The following PPP6R2 variants were observed in gnomAD, a reference collection of about 807,000 sequenced individuals.
PPP6R2 encodes serine/threonine-protein phosphatase 6 regulatory subunit 2.
A neutral mutation model predicts 100.2 loss-of-function variants in PPP6R2; 62 were observed. The observed-to-expected ratio is 0.62, with a 90% CI of 0.50 to 0.76. The LOEUF is 0.76. Among genes scored for constraint, PPP6R2 ranks in the 30% least tolerant of loss-of-function variants. PPP6R2 has a pLI of 0.00. For missense variants in PPP6R2, 1,142 were observed against 1,276.3 expected (o/e 0.89, Z 1.60); for synonymous variants, 525 against 514.7 (o/e 1.02, Z -0.27).
chr22:50,374,774 C>T (rs1014672166), intron 2 of PPP6R2, among the ~76,000 whole-genome samples: 1 of 151,800 alleles, frequency 6.6e-6, no homozygotes, highest in Non-Finnish European at 1.5e-5. Flanking sequence ...ATTAGCCGGG[C>T]GTGGTGGTGC....
intron 14 of PPP6R2, 27 bp downstream of exon 14, chr22:50,436,479 G>C: frequency 6.4e-7 from 1 of 1,561,506 alleles, no homozygotes; most frequent in Admixed American, 1.9e-5. Context: ...CTGCCCCCTC[G>C]GTGCACGCAC....
At position 50,444,115 on chromosome 22, in the gene PPP6R2, C is replaced by T. The variant is rs201661469; in HGVS notation, c.2829C>T (p.Asp943=). 63 of 1,611,998 alleles carry T rather than the reference C, an allele frequency of 3.9e-5. No homozygotes were observed. Among genetic ancestry groups the T allele is most frequent in the African/African-American group, 3.7e-4 (28 of 75,028 alleles). The part of the protein sequence containing the change: ...MVATLGTVTK[D]GKTDAPPEGA... Reference sequence around the variant, plus strand: ...CCACCCTGGGGACAGTGACAAAGGACGGGTGAGCAGGTTGAGTGTGGGGGT... The same window carrying T: ...CCACCCTGGGGACAGTGACAAAGGATGGGTGAGCAGGTTGAGTGTGGGGGT... Residue 943 remains aspartate, a splice_region_variant and synonymous_variant, in exon 23 of 24, where the codon GAC becomes GAT. Transcript: ENST00000612753.
At chr22:50,338,394 ATGTG>A (rs2042327356), upstream of PPP6R2, among the ~76,000 whole-genome samples, 11 of 95,584 alleles carry the variant, frequency 1.2e-4, no homozygotes, top group African/African-American at 4.9e-4. Context: ...TGTCTGTGGT[ATGTG>A]GTGTGTGTGG....
chr22:50,348,539 T>C (rs1484091190), intron 1 of PPP6R2, among the ~76,000 whole-genome samples: 4 of 152,106 alleles, frequency 2.6e-5, no homozygotes. Context: ...GCACTGTTTA[T>C]TGAAATAGGG....
intron 19 of PPP6R2, among the ~76,000 whole-genome samples, 166 bp from the exon 20 acceptor site, chr22:50,439,533 CCT>C (rs200706132): frequency 0.01 from 1,554 of 152,282 alleles, 7 homozygotes; most frequent in Non-Finnish European, 0.015. Context: ...CGAGCTGTCC[CCT>C]GTTGCTCCTT....
At chr22:50,418,789 G>T in intron 6 of PPP6R2, 78 bp from the exon 7 acceptor site, 2 of 1,101,534 alleles carry the variant, frequency 1.8e-6, no homozygotes, top group Non-Finnish European at 2.8e-6. Flanking sequence ...CAGGACTTGT[G>T]CCCTGTGTGC....
chr22:50,356,670 C>T (rs2046659601), intron 1 of PPP6R2, among the ~76,000 whole-genome samples: 2 of 152,040 alleles, frequency 1.3e-5, no homozygotes, highest in African/African-American at 2.4e-5. Flanking sequence ...TGGTGGCTCA[C>T]GCCTGTAATA....
chr22:50,441,228 G>T (rs1240294417), intron 22 of PPP6R2, among the ~76,000 whole-genome samples: 1 of 152,224 alleles, frequency 6.6e-6, no homozygotes, highest in Non-Finnish European at 1.5e-5. Flanking sequence ...GGCCAGATGG[G>T]AGAAGTGTGG....
In PPP6R2 at chr22:50,434,985, C is replaced by A; in HGVS notation, c.1420C>A (p.Arg474Ser). The A allele has an allele frequency of 6.2e-7, 1 of 1,605,578 alleles. No individual in the cohort carries two copies. Among genetic ancestry groups the A allele is most frequent in the East Asian group, 2.2e-5 (1 of 44,688 alleles). ...DHTQAAGGMR[R>S]GNMGHLTRIA... ...TTTCAGGGCAGCGGGTGGCATGAGA[C>A]GTGGGAACATGGGCCACCTCACACG... Residue 474 changes from arginine (R) to serine (S), a missense_variant, in exon 13 of 24, where the codon CGT (arginine) becomes AGT (serine). This residue lies in a region of PPP6R2 where 592 missense variants were observed against 758.9 expected (regional missense o/e 0.78). Coordinates refer to ENST00000612753, the MANE Select transcript of PPP6R2 (RefSeq NM_001242898.2).
chr22:50,418,842 C>T, intron 6 of PPP6R2, 25 bp from the exon 7 acceptor site: 1 of 1,561,752 alleles, frequency 6.4e-7, no homozygotes, highest in Non-Finnish European at 8.8e-7. Flanking sequence ...CACTGAGGGA[C>T]TCTGTGTTTC....
intron 22 of PPP6R2, among the ~76,000 whole-genome samples, chr22:50,441,898 A>G (rs2065727277): frequency 6.6e-6 from 1 of 151,916 alleles, no homozygotes; most frequent in African/African-American, 2.4e-5. Context: ...CCTGAGGGGG[A>G]GGGTAGGACT....
At chr22:50,338,889 TGG>T (rs2042334955), upstream of PPP6R2, among the ~76,000 whole-genome samples, 1 of 128,306 alleles carries the variant, frequency 7.8e-6, no homozygotes, top group African/African-American at 3.2e-5. Context: ...GTGTGTTATG[TGG>T]GGTATGTGTG....
chr22:50,369,256 C>T (rs2049450199), intron 1 of PPP6R2, among the ~76,000 whole-genome samples: 1 of 149,556 alleles, frequency 6.7e-6, no homozygotes, highest in Admixed American at 6.7e-5. Context: ...AAAAAGAAAA[C>T]ACATTTCTTT....
In PPP6R2 at chr22:50,350,363, G is replaced by A. The variant is rs537266174; in HGVS notation, c.-148+6813G>A. Among the ~76,000 whole-genome samples the A allele has an allele frequency of 3.3e-5, 5 of 150,678 alleles. No homozygotes were observed. In the East Asian group the frequency reaches 6.3e-4, roughly 19 times the overall value. On this transcript the variant is annotated intron_variant, in intron 1 of 23. Coordinates refer to ENST00000612753, the MANE Select transcript of PPP6R2 (RefSeq NM_001242898.2). ...CTCCTGCCTCAGCCTCCTGAGTAGC[G>A]GGGATTACAGGCGCCCACCACCATG...
chr22:50,377,996 G>A (rs770395792), intron 2 of PPP6R2, among the ~76,000 whole-genome samples: 3 of 152,120 alleles, frequency 2.0e-5, no homozygotes, highest in African/African-American at 2.4e-5. Context: ...GCAAGACTCC[G>A]TCTCAAAATA....
intron 2 of PPP6R2, among the ~76,000 whole-genome samples, chr22:50,375,578 C>G (rs1194569015): frequency 2.0e-5 from 3 of 152,134 alleles, no homozygotes; most frequent in Admixed American, 6.6e-5. Flanking sequence ...CACACCGTTC[C>G]TTGCCCTCAT....
chr22:50,412,304 G>C (rs1230381881), intron 4 of PPP6R2, among the ~76,000 whole-genome samples: 1 of 151,218 alleles, frequency 6.6e-6, no homozygotes, highest in Non-Finnish European at 1.5e-5. Flanking sequence ...CAATTCTCAT[G>C]CCTCAACATT....
intron 1 of PPP6R2, among the ~76,000 whole-genome samples, chr22:50,355,813 G>A (rs1386067791): frequency 6.7e-5 from 10 of 150,014 alleles, no homozygotes; most frequent in East Asian, 3.9e-4. Context: ...GAGCCACTGC[G>A]CCTGGCACAG....
intron 4 of PPP6R2, among the ~76,000 whole-genome samples, chr22:50,410,603 C>T (rs1429976392): frequency 6.7e-6 from 1 of 149,822 alleles, no homozygotes; most frequent in African/African-American, 2.5e-5. Flanking sequence ...TCTCGTGCCT[C>T]AGCCTCCCGT....
Sources: gnomAD v4.1 joint callset for allele counts (sites outside exome capture counted in the v4.1 genomes callset) on GRCh38, gnomAD v4.1.1 for gene constraint, gnomAD v4.1.1 regional missense constraint, MANE v1.5 for transcripts, NCBI Gene and HGNC (gene_info 2026-07-23, HGNC 2026-07-21) for gene names.